DACH2: variants seen among roughly 807,000 people sequenced by gnomAD.
DACH2 encodes the protein dachshund family transcription factor 2.
In DACH2, 17 loss-of-function variants were observed where a neutral mutation model predicts 35.8. The ratio of observed to expected loss-of-function variants is 0.48; its 90% CI spans 0.33 to 0.71. The LOEUF is 0.71. DACH2 is among the 30% of genes least tolerant of loss of function. DACH2 has a pLI of 0.02. For missense variants in DACH2, 469 were observed against 472.7 expected (o/e 0.99, Z 0.07); for synonymous variants, 195 against 177.3 (o/e 1.10, Z -0.79).
At chrX:86,749,946 T>C (rs560747658) in intron 7 of DACH2, among the ~76,000 whole-genome samples, 63 of 111,571 alleles carry the variant, frequency 5.6e-4, no homozygotes, top group South Asian at 3.3e-3. Context: ...CTTTATTAAT[T>C]TTTTTAGCTT....
intron 7 of DACH2, among the ~76,000 whole-genome samples, chrX:86,743,997 T>C (rs985531453): frequency 1.8e-5 from 2 of 111,318 alleles, no homozygotes; most frequent in Non-Finnish European, 3.8e-5. Context: ...ACATGATGCA[T>C]ATGATACAAT....
At chrX:86,418,285 G>T (rs1305440836) in intron 2 of DACH2, among the ~76,000 whole-genome samples, 1 of 111,695 alleles carries the variant, frequency 9.0e-6, no homozygotes, top group African/African-American at 3.3e-5. Context: ...AGCTCCACTA[G>T]GTGGTGCCCC....
intron 2 of DACH2, among the ~76,000 whole-genome samples, chrX:86,514,049 C>A (rs1285081698): frequency 9.0e-6 from 1 of 111,566 alleles, no homozygotes; most frequent in Non-Finnish European, 1.9e-5. Flanking sequence ...TAAATGGAAT[C>A]TAAACTAAAA....
intron 1 of DACH2, among the ~76,000 whole-genome samples, chrX:86,331,856 G>A (rs765656926): frequency 1.8e-5 from 2 of 111,314 alleles, no homozygotes; most frequent in South Asian, 3.8e-4. Flanking sequence ...TCATGCTAGT[G>A]ATGATACATG....
chrX:86,148,722 G>GCC lies in DACH2; in HGVS notation c.106_107dup (p.Arg37LeufsTer7). ...AACCCCTGTACTCGACTCCCAGAGA[G>GCC]CCCCCTCGTCTTACTCCTAATATGA... On this transcript the variant is annotated frameshift_variant, in exon 1 of 12. Coordinates refer to ENST00000373125, the MANE Select transcript of DACH2 (RefSeq NM_053281.3). LOFTEE classifies it high-confidence loss of function. 1 of 1,210,964 alleles carries GCC rather than the reference G, an allele frequency of 8.3e-7. No individual in the cohort carries two copies. Among genetic ancestry groups the GCC allele is most frequent in the African/African-American group, 1.7e-5 (1 of 57,656 alleles).
intron 2 of DACH2, among the ~76,000 whole-genome samples, chrX:86,418,049 A>G (rs1028983399): frequency 2.7e-5 from 3 of 111,585 alleles, no homozygotes; most frequent in African/African-American, 9.8e-5. Flanking sequence ...TAAAACTCCA[A>G]AATTATCTCA....
Position 86,277,713 on chromosome X carries a change from G to A in DACH2, c.489-99111G>A, listed in dbSNP as rs768688706. 6.3e-5 allele frequency among the ~76,000 whole-genome samples: 7 copies of A among 111,337 alleles called. No homozygotes were observed. In the South Asian group the frequency reaches 2.7e-3, roughly 43 times the overall value. The stretch of plus-strand genomic sequence containing the variant: ...AGTCTTGAAGATGAGGAGCATAGTG[G>A]CCAGCCATTGGAAGTTGACAACAAC... On this transcript the variant is annotated intron_variant, in intron 1 of 11. Coordinates refer to ENST00000373125, the MANE Select transcript of DACH2 (RefSeq NM_053281.3).
At chrX:86,465,237 T>C (rs1342359984) in intron 2 of DACH2, among the ~76,000 whole-genome samples, 5 of 112,394 alleles carry the variant, frequency 4.4e-5, no homozygotes, top group African/African-American at 1.3e-4. Context: ...ACGTGAATGC[T>C]AATGTCCAAA....
intron 7 of DACH2, among the ~76,000 whole-genome samples, chrX:86,763,614 C>T (rs1390235576): frequency 9.0e-6 from 1 of 110,970 alleles, no homozygotes; most frequent in South Asian, 3.8e-4. Context: ...CCACCACGCC[C>T]GGCTGTTTTT....
At chrX:86,623,769 G>GTGCAGTTCATATTT (rs1381807326) in intron 3 of DACH2, among the ~76,000 whole-genome samples, 1 of 108,155 alleles carries the variant, frequency 9.2e-6, no homozygotes, top group Admixed American at 9.8e-5. Flanking sequence ...AAAAGTGGCG[G>GTGCAGTTCATATTT]CCGGGCGCGG....
intron 3 of DACH2, among the ~76,000 whole-genome samples, chrX:86,526,063 C>T (rs150901891): frequency 9.0e-5 from 10 of 111,684 alleles, no homozygotes; most frequent in African/African-American, 2.3e-4. Flanking sequence ...ATATGCCTGA[C>T]AAATGATAAG....
intron 1 of DACH2, among the ~76,000 whole-genome samples, chrX:86,293,614 G>C (rs370382011): frequency 4.5e-5 from 5 of 110,038 alleles, no homozygotes; most frequent in Non-Finnish European, 7.6e-5. Context: ...TTTAGGGCAG[G>C]CCTGGTGGTG....
At chrX:86,402,485 A>G (rs939343346) in intron 2 of DACH2, among the ~76,000 whole-genome samples, 1 of 111,561 alleles carries the variant, frequency 9.0e-6, no homozygotes, top group African/African-American at 3.3e-5. Flanking sequence ...GAGGTGTAAT[A>G]TCTCTACAAG....
At chrX:86,397,887 G>C (rs770046568) in intron 2 of DACH2, among the ~76,000 whole-genome samples, 6 of 111,860 alleles carry the variant, frequency 5.4e-5, no homozygotes, top group Admixed American at 3.8e-4. Context: ...TTTGGTATCA[G>C]GGTGATGCTG....
chrX:86,534,336 C>A (rs964719106), intron 3 of DACH2, among the ~76,000 whole-genome samples: 1 of 111,932 alleles, frequency 8.9e-6, no homozygotes, highest in Non-Finnish European at 1.9e-5. Context: ...GTTGTATGAA[C>A]TATTTCTGTT....
intron 7 of DACH2, among the ~76,000 whole-genome samples, chrX:86,804,893 G>T (rs1007818130): frequency 8.9e-6 from 1 of 111,747 alleles, no homozygotes; most frequent in South Asian, 3.7e-4. Flanking sequence ...CCTGTGCTTT[G>T]CAGGGTTCAA....
chrX:86,697,347 A>G (rs1308695213), intron 5 of DACH2, among the ~76,000 whole-genome samples: 1 of 111,304 alleles, frequency 9.0e-6, no homozygotes, highest in Non-Finnish European at 1.9e-5. Context: ...AAATGTAGAC[A>G]CTAATGCCAC....
chrX:86,729,973 A>G (rs182671308), intron 6 of DACH2, among the ~76,000 whole-genome samples: 42 of 110,811 alleles, frequency 3.8e-4, no homozygotes, highest in Admixed American at 2.5e-3. Flanking sequence ...GAATGCAAGA[A>G]CTGCATAACA....
intron 1 of DACH2, among the ~76,000 whole-genome samples, chrX:86,291,362 G>T (rs983199880): frequency 8.0e-5 from 7 of 87,015 alleles, no homozygotes; most frequent in Non-Finnish European, 1.5e-4. Context: ...CAATCATGTC[G>T]TCTGCAAACA....
Sources: gnomAD v4.1 joint callset for allele counts (sites outside exome capture counted in the v4.1 genomes callset) on GRCh38, gnomAD v4.1.1 for gene constraint, MANE v1.5 for transcripts, NCBI Gene and HGNC (gene_info 2026-07-23, HGNC 2026-07-21) for gene names.